Variants in CTNNA3 observed in about 807,000 individuals in gnomAD.
CTNNA3 encodes the protein catenin alpha-3.
In CTNNA3, 76 loss-of-function variants were observed where a neutral mutation model predicts 95.7. The ratio of observed to expected loss-of-function variants is 0.79; its 90% CI spans 0.66 to 0.96. The LOEUF is 0.96. Among genes scored for constraint, CTNNA3 ranks in the 40% least tolerant of loss-of-function variants. CTNNA3 has a pLI of 0.00. For synonymous variants in CTNNA3, 431 were observed against 374.4 expected, an observed-to-expected ratio of 1.15 and a Z score of -1.74; for missense variants, 1,191 against 1,089.8, an observed-to-expected ratio of 1.09 and a Z score of -1.31.
intron 5 of CTNNA3, among the ~76,000 whole-genome samples, chr10:67,365,614 C>T (rs1393478632): frequency 1.3e-5 from 2 of 152,172 alleles, no homozygotes; most frequent in Non-Finnish European, 2.9e-5. Flanking sequence ...AGCCAACAGA[C>T]ACATGAAAAA....
In CTNNA3 at chr10:66,824,888, G is replaced by T. The variant is rs556270405; in HGVS notation, c.1048-49364C>A. On this transcript the variant is annotated intron_variant, in intron 7 of 17. Coordinates refer to ENST00000433211, the MANE Select transcript of CTNNA3 (RefSeq NM_013266.4). ...GACTAAGAAAATCCAAATGAAGTGT[G>T]GAGTTTGGTTAACATTAATGTGCTA... 2.6e-3 allele frequency among the ~76,000 whole-genome samples: 400 copies of T among 152,164 alleles called. 1 individual carries two copies. Among genetic ancestry groups the T allele is most frequent in the African/African-American group, 8.8e-3 (365 of 41,524 alleles).
At chr10:66,589,909 A>T (rs1843489118) in intron 10 of CTNNA3, among the ~76,000 whole-genome samples, 9 of 152,062 alleles carry the variant, frequency 5.9e-5, no homozygotes, top group Non-Finnish European at 1.0e-4. Flanking sequence ...TCCCATCATA[A>T]ACGCTGCCTT....
intron 10 of CTNNA3, among the ~76,000 whole-genome samples, chr10:66,557,858 T>G (rs1385830288): frequency 6.6e-6 from 1 of 152,138 alleles, no homozygotes; most frequent in African/African-American, 2.4e-5. Flanking sequence ...CATCACTTTT[T>G]TCCTGTTACC....
chr10:65,936,345 C>A (rs1397648186), intron 17 of CTNNA3, among the ~76,000 whole-genome samples: 2 of 151,880 alleles, frequency 1.3e-5, no homozygotes, highest in African/African-American at 4.8e-5. Flanking sequence ...ACCATGAAAC[C>A]AAATATATTT....
intron 14 of CTNNA3, among the ~76,000 whole-genome samples, chr10:66,089,364 T>A (rs2081123356): frequency 6.6e-6 from 1 of 151,150 alleles, no homozygotes; most frequent in Admixed American, 6.6e-5. Context: ...CTTCCTTTGC[T>A]CCCTTCCTTC....
chr10:67,568,356 T>C (rs1841877943), intron 3 of CTNNA3, among the ~76,000 whole-genome samples: 1 of 151,924 alleles, frequency 6.6e-6, no homozygotes, highest in African/African-American at 2.4e-5. Flanking sequence ...TACTTAATCT[T>C]CCTATCAGTA....
intron 3 of CTNNA3, among the ~76,000 whole-genome samples, chr10:67,586,794 A>T (rs1842640131): frequency 6.6e-6 from 1 of 151,990 alleles, no homozygotes; most frequent in Non-Finnish European, 1.5e-5. Flanking sequence ...GTTCAAAGTT[A>T]TTATTGATAT....
chr10:66,017,266 C>T (rs1235538064), intron 15 of CTNNA3, among the ~76,000 whole-genome samples: 2 of 152,026 alleles, frequency 1.3e-5, no homozygotes, highest in Non-Finnish European at 2.9e-5. Context: ...CCTTATTAAT[C>T]CTATGAAGTC....
intron 5 of CTNNA3, among the ~76,000 whole-genome samples, chr10:67,398,685 A>C (rs1030761964): frequency 2.6e-5 from 4 of 152,172 alleles, no homozygotes; most frequent in Non-Finnish European, 4.4e-5. Flanking sequence ...TCTTGAATTT[A>C]GTTCCCATAA....
At chr10:66,113,454 C>T (rs988830199) in intron 13 of CTNNA3, among the ~76,000 whole-genome samples, 1 of 152,100 alleles carries the variant, frequency 6.6e-6, no homozygotes, top group African/African-American at 2.4e-5. Flanking sequence ...AAGTGACTTG[C>T]AAAACTTCTT....
At chr10:66,759,272 A>C (rs1384525694) in intron 9 of CTNNA3, among the ~76,000 whole-genome samples, 1 of 152,106 alleles carries the variant, frequency 6.6e-6, no homozygotes, top group African/African-American at 2.4e-5. Flanking sequence ...TGGTACTTTA[A>C]TGTGTTCGTA....
chr10:67,173,915 A>G (rs1250581337), intron 7 of CTNNA3, among the ~76,000 whole-genome samples: 1 of 152,190 alleles, frequency 6.6e-6, no homozygotes, highest in Admixed American at 6.5e-5. Context: ...GGTATTAGAA[A>G]TCATGGCTGC....
chr10:66,272,647 T>TTAAAAG (rs60055230), intron 13 of CTNNA3, among the ~76,000 whole-genome samples: 70,765 of 151,194 alleles, frequency 0.47, 17,953 homozygotes, highest in African/African-American at 0.69. Flanking sequence ...AATTGGGCAC[T>TTAAAAG]TAAAAGGCAG....
chr10:67,393,017 T>C (rs1035818877), intron 5 of CTNNA3, among the ~76,000 whole-genome samples: 5 of 151,862 alleles, frequency 3.3e-5, no homozygotes, highest in Non-Finnish European at 7.4e-5. Flanking sequence ...GTAACTAGCC[T>C]GCACAATGTA....
chr10:66,155,031 A>G (rs890048744), intron 13 of CTNNA3, among the ~76,000 whole-genome samples: 2 of 151,748 alleles, frequency 1.3e-5, no homozygotes, highest in Admixed American at 6.6e-5. Flanking sequence ...ATTAGCCATT[A>G]AAACTTTATT....
chr10:66,499,847 G>A (rs1289413748), intron 11 of CTNNA3, among the ~76,000 whole-genome samples: 2 of 147,562 alleles, frequency 1.4e-5, no homozygotes, highest in African/African-American at 5.1e-5. Flanking sequence ...CTGTTGCCCA[G>A]GCTGGAGTGC....
intron 10 of CTNNA3, among the ~76,000 whole-genome samples, chr10:66,534,794 T>C (rs1460875996): frequency 6.6e-6 from 1 of 151,368 alleles, no homozygotes; most frequent in Non-Finnish European, 1.5e-5. Flanking sequence ...CTATACGAAC[T>C]TCATGAATTA....
intron 15 of CTNNA3, among the ~76,000 whole-genome samples, chr10:66,063,422 C>A (rs2080250530): frequency 6.6e-6 from 1 of 150,804 alleles, no homozygotes; most frequent in African/African-American, 2.4e-5. Context: ...TTCTCATATT[C>A]CACAGATGGC....
chr10:66,383,504 C>T (rs191736918), intron 11 of CTNNA3, among the ~76,000 whole-genome samples: 60 of 152,212 alleles, frequency 3.9e-4, no homozygotes, highest in African/African-American at 1.3e-3. Context: ...AGAATGGAAC[C>T]CAGTTGGAAA....
Sources: allele counts gnomAD v4.1 joint callset (sites outside exome capture counted in the v4.1 genomes callset), GRCh38; gene constraint gnomAD v4.1.1; transcripts MANE v1.5; gene names NCBI Gene and HGNC (gene_info 2026-07-23, HGNC 2026-07-21).